The following PXDNL variants were observed in gnomAD, a reference collection of about 807,000 sequenced individuals.
The protein encoded by PXDNL is peroxidasin like.
Under a neutral mutation model 150.8 loss-of-function variants are expected in PXDNL, and 145 were observed. The ratio of observed to expected loss-of-function variants is 0.96; its 90% CI spans 0.84 to 1.10. The LOEUF (loss-of-function observed/expected upper bound fraction) is 1.10, where lower values mean the gene tolerates loss of function less well. Among genes scored for constraint, PXDNL ranks in the 50% least tolerant of loss-of-function variants. PXDNL has a pLI of 0.00. For missense variants in PXDNL, 2,087 were observed against 1,873.9 expected (o/e 1.11, Z -2.10); for synonymous variants, 757 against 725.7 (o/e 1.04, Z -0.69).
intron 1 of PXDNL, among the ~76,000 whole-genome samples, chr8:51,735,526 GTTTTTTTTTTTTTT>G: frequency 2.4e-5 from 1 of 41,106 alleles, no homozygotes; most frequent in South Asian, 8.4e-4. Flanking sequence ...ATTAAAAATT[GTTTTTTTTTTTTTT>G]TTTTTTTTTT....
chr8:51,743,007 C>T (rs1303488464), intron 1 of PXDNL, among the ~76,000 whole-genome samples: 1 of 152,148 alleles, frequency 6.6e-6, no homozygotes, highest in Non-Finnish European at 1.5e-5. Context: ...GGTAGTCATT[C>T]AGTTCCAGTA....
At chr8:51,336,211 T>TTTC (rs1173484695) in intron 21 of PXDNL, among the ~76,000 whole-genome samples, 1 of 152,226 alleles carries the variant, frequency 6.6e-6, no homozygotes, top group African/African-American at 2.4e-5. Flanking sequence ...GTTTAATCTA[T>TTTC]TTCTTCACTA....
In PXDNL at chr8:51,372,052, G is replaced by C. The variant is rs971987821; in HGVS notation, c.3722C>G (p.Thr1241Ser). 34 of 1,601,250 alleles carry C rather than the reference G, an allele frequency of 2.1e-5. No homozygotes were observed. The East Asian group carries it at 2.7e-4, about 13-fold the overall frequency. Residue 1241 changes from threonine to serine, a missense_variant, in exon 19 of 23, where the codon ACC becomes AGC. Coordinates refer to ENST00000356297, the MANE Select transcript of PXDNL (RefSeq NM_144651.5). ...CTTCAGCTGAGTGAGTTGTGCCGGG[G>C]TAAATACTCCAGGGTTTTCATACCA... The part of the protein sequence containing the change: ...RFWYENPGVF[T>S]PAQLTQLKQA...
intron 3 of PXDNL, among the ~76,000 whole-genome samples, chr8:51,580,104 TA>T (rs1813173833): frequency 6.6e-6 from 1 of 152,060 alleles, no homozygotes; most frequent in South Asian, 2.1e-4. Context: ...CATTTTTAAA[TA>T]AAACTGTGGA....
At chr8:51,386,829 A>C (rs1335538159) in intron 17 of PXDNL, among the ~76,000 whole-genome samples, 1 of 152,036 alleles carries the variant, frequency 6.6e-6, no homozygotes, top group Non-Finnish European at 1.5e-5. Context: ...ATCTTGAAAA[A>C]AAAAAAAAGA....
chr8:51,731,032 C>A (rs901038677), intron 1 of PXDNL, among the ~76,000 whole-genome samples: 2 of 152,134 alleles, frequency 1.3e-5, no homozygotes, highest in Non-Finnish European at 1.5e-5. Context: ...TGGCCCCTCC[C>A]AAATCTCATG....
At chr8:51,751,030 AT>A (rs915874668) in intron 1 of PXDNL, among the ~76,000 whole-genome samples, 21 of 150,386 alleles carry the variant, frequency 1.4e-4, no homozygotes, top group African/African-American at 2.4e-4. Flanking sequence ...AATGCCAGTT[AT>A]TTTTTTTTTG....
intron 1 of PXDNL, among the ~76,000 whole-genome samples, chr8:51,665,304 G>A (rs1166845496): frequency 6.6e-6 from 1 of 152,094 alleles, no homozygotes; most frequent in Non-Finnish European, 1.5e-5. Flanking sequence ...GCTTGGACAG[G>A]CCCACACTCT....
At chr8:51,576,821 C>T (rs1438948958) in intron 3 of PXDNL, among the ~76,000 whole-genome samples, 1 of 151,768 alleles carries the variant, frequency 6.6e-6, no homozygotes, top group African/African-American at 2.4e-5. Context: ...GAGAAAATCA[C>T]TACAAATCCT....
intron 19 of PXDNL, among the ~76,000 whole-genome samples, chr8:51,370,954 C>G (rs1000138025): frequency 2.0e-5 from 3 of 152,192 alleles, no homozygotes; most frequent in African/African-American, 7.2e-5. Flanking sequence ...CAACAAATCT[C>G]TAGTACTACT....
chr8:51,351,091 A>G (rs1051473725), intron 19 of PXDNL, among the ~76,000 whole-genome samples: 10 of 152,172 alleles, frequency 6.6e-5, no homozygotes, highest in Non-Finnish European at 1.5e-4. Flanking sequence ...TCTTACTGGT[A>G]TTTCACTTTC....
At chr8:51,458,519 G>A (rs1458606096) in intron 8 of PXDNL, among the ~76,000 whole-genome samples, 1 of 152,088 alleles carries the variant, frequency 6.6e-6, no homozygotes, top group Non-Finnish European at 1.5e-5. Context: ...TTTAGGCATA[G>A]ATAAAGGAAA....
At chr8:51,739,558 T>C (rs1347914495) in intron 1 of PXDNL, among the ~76,000 whole-genome samples, 3 of 152,122 alleles carry the variant, frequency 2.0e-5, no homozygotes, top group African/African-American at 7.2e-5. Flanking sequence ...TAACAGGTGA[T>C]TTCAGCAAGA....
chr8:51,650,647 G>T (rs1359258226), intron 2 of PXDNL, among the ~76,000 whole-genome samples: 1 of 152,158 alleles, frequency 6.6e-6, no homozygotes, highest in Non-Finnish European at 1.5e-5. Flanking sequence ...CAGAAGACTT[G>T]GTCTCATGTT....
intron 17 of PXDNL, among the ~76,000 whole-genome samples, chr8:51,380,635 C>T (rs1385896664): frequency 6.6e-6 from 1 of 152,024 alleles, no homozygotes; most frequent in Non-Finnish European, 1.5e-5. Flanking sequence ...CAGTTTTATC[C>T]TTTCTGATCT....
chr8:51,562,955 G>T (rs1351768726), intron 3 of PXDNL, among the ~76,000 whole-genome samples: 2 of 151,958 alleles, frequency 1.3e-5, no homozygotes, highest in Non-Finnish European at 2.9e-5. Flanking sequence ...TTGTAATGGA[G>T]CTGTCACAGG....
chr8:51,415,033 G>A (rs180894500), intron 14 of PXDNL, among the ~76,000 whole-genome samples: 2 of 152,248 alleles, frequency 1.3e-5, no homozygotes, highest in East Asian at 3.9e-4. Flanking sequence ...ACCTATTTTG[G>A]GGATTGTATT....
At chr8:51,509,747 C>CATATATAT (rs767383011) in intron 4 of PXDNL, among the ~76,000 whole-genome samples, 5 of 99,110 alleles carry the variant, frequency 5.0e-5, no homozygotes, top group Non-Finnish European at 1.0e-4. Flanking sequence ...TATATACACA[C>CATATATAT]ACACACACAC....
intron 3 of PXDNL, among the ~76,000 whole-genome samples, chr8:51,591,624 AT>A (rs548902313): frequency 1.0e-3 from 151 of 146,512 alleles, no homozygotes; most frequent in South Asian, 1.3e-3. Flanking sequence ...TCGCCTTAGC[AT>A]TTTTTTTTTT....
Sources: gnomAD v4.1 joint callset for allele counts (sites outside exome capture counted in the v4.1 genomes callset) on GRCh38, gnomAD v4.1.1 for gene constraint, MANE v1.5 for transcripts, NCBI Gene and HGNC (gene_info 2026-07-23, HGNC 2026-07-21) for gene names.